The following AGTPBP1 variants were observed in gnomAD, a reference collection of about 807,000 sequenced individuals.
The protein encoded by AGTPBP1 is ATP/GTP binding carboxypeptidase 1.
AGTPBP1 carries 70 observed loss-of-function variants against 143.9 expected under a neutral mutation model. The observed-to-expected ratio is 0.49, with a 90% CI of 0.40 to 0.59. The LOEUF (loss-of-function observed/expected upper bound fraction) is 0.59. AGTPBP1 is among the 20% of genes least tolerant of loss of function. The pLI, the probability that AGTPBP1 is intolerant of heterozygous loss-of-function variation, is 0.00. For missense variants in AGTPBP1, 1,229 were observed against 1,464.5 expected (o/e 0.84, Z 2.62); for synonymous variants, 463 against 500.2 (o/e 0.93, Z 0.99).
At chr9:85,786,314 G>T in the AGTPBP1 span, 7 of 1,609,090 alleles carry the variant, frequency 4.4e-6, no homozygotes, top group Non-Finnish European at 5.9e-6. Flanking sequence ...GCACCCCCCA[G>T]TGGGCATATG....
chr9:85,735,683 T>C (rs1839197199), intron 1 of AGTPBP1, among the ~76,000 whole-genome samples: 1 of 152,192 alleles, frequency 6.6e-6, no homozygotes, highest in Non-Finnish European at 1.5e-5. Context: ...AGGTGAGAGA[T>C]TAGTTTTCAC....
rs373978703 is a variant in AGTPBP1 at position 85,619,145 on chromosome 9, A to T, written c.2187-14T>A. ...TCATATTCATTTCTGAAAATAGAAG[A>T]CAAAGAAATCTGATGAAAATTAGGA... On this transcript the variant is annotated splice_polypyrimidine_tract_variant and intron_variant, in intron 16 of 25. Transcript: ENST00000357081. 16 of 1,611,448 alleles carry T rather than the reference A, an allele frequency of 9.9e-6. No individual in the cohort carries two copies. The African/African-American group carries it at 2.1e-4, about 22-fold the overall frequency.
chr9:85,566,258 G>A lies in AGTPBP1; in HGVS notation c.3503+9057C>T, dbSNP rs548904250. Among the ~76,000 whole-genome samples, 85 of 152,274 alleles carry A rather than the reference G, an allele frequency of 5.6e-4. 1 individual carries two copies. The highest frequency in any genetic ancestry group is 6.8e-3 in the Middle Eastern group (2 of 294). ...ATTGAAGCCAGGCACAGTGGCTCAT[G>A]CCTGTAATCCCAGCAGTTTGGGAGG... is the stretch of plus-strand genomic sequence containing the variant. On this transcript the variant is annotated intron_variant, in intron 25 of 25. Transcript: ENST00000357081.
the AGTPBP1 span, chr9:85,756,060 T>G: frequency 1.4e-3 from 2,125 of 1,498,548 alleles, 3 homozygotes; most frequent in Non-Finnish European, 1.8e-3. Flanking sequence ...ATTTTTTTTT[T>G]AATTTTAATG....
intron 2 of AGTPBP1, among the ~76,000 whole-genome samples, chr9:85,708,695 G>A (rs772289773): frequency 5.3e-5 from 8 of 151,902 alleles, no homozygotes; most frequent in Non-Finnish European, 8.8e-5. Context: ...CCACCACCAC[G>A]CCCGTAGTTT....
At chr9:85,686,147 A>C (rs1835472057) in intron 3 of AGTPBP1, among the ~76,000 whole-genome samples, 1 of 152,120 alleles carries the variant, frequency 6.6e-6, no homozygotes, top group Non-Finnish European at 1.5e-5. Context: ...GCTCAAATTA[A>C]ACACTCAGAC....
At chr9:85,801,242 G>A in the AGTPBP1 span, among the ~76,000 whole-genome samples, 1 of 152,144 alleles carries the variant, frequency 6.6e-6, no homozygotes, top group East Asian at 1.9e-4. Flanking sequence ...AACCAGGGAG[G>A]CGGAAGTTGC....
At chr9:85,569,756 T>C (rs183678056) in intron 25 of AGTPBP1, among the ~76,000 whole-genome samples, 26 of 152,314 alleles carry the variant, frequency 1.7e-4, no homozygotes, top group Middle Eastern at 3.4e-3. Context: ...AGTACCACAT[T>C]AGCTGTTGCT....
At chr9:85,804,718 A>C in the AGTPBP1 span, among the ~76,000 whole-genome samples, 1 of 152,226 alleles carries the variant, frequency 6.6e-6, no homozygotes, top group East Asian at 1.9e-4. Context: ...CTGTAAAATT[A>C]GTCCACTACG....
chr9:85,676,354 C>CA (rs545458775), intron 6 of AGTPBP1, among the ~76,000 whole-genome samples: 100 of 147,310 alleles, frequency 6.8e-4, no homozygotes, highest in African/African-American at 1.8e-3. Flanking sequence ...AGCTCAACAG[C>CA]AAAAAAAAAG....
At chr9:85,563,105 C>T (rs772969058) in intron 25 of AGTPBP1, among the ~76,000 whole-genome samples, 1 of 152,230 alleles carries the variant, frequency 6.6e-6, no homozygotes, top group African/African-American at 2.4e-5. Flanking sequence ...AAATAGATTT[C>T]TCCTGTTTAT....
At chr9:85,642,563 A>T (rs1350184034) in intron 13 of AGTPBP1, among the ~76,000 whole-genome samples, 1 of 151,244 alleles carries the variant, frequency 6.6e-6, no homozygotes, top group Non-Finnish European at 1.5e-5. Context: ...TGATCTCCTG[A>T]CCTCGTGATC....
intron 2 of AGTPBP1, among the ~76,000 whole-genome samples, chr9:85,703,404 A>T (rs755334542): frequency 2.0e-5 from 3 of 152,232 alleles, no homozygotes; most frequent in Non-Finnish European, 4.4e-5. Flanking sequence ...GTGGTCTTAG[A>T]AACAGATGAT....
At chr9:85,721,382 C>T (rs1838102380) in intron 1 of AGTPBP1, among the ~76,000 whole-genome samples, 1 of 151,950 alleles carries the variant, frequency 6.6e-6, no homozygotes, top group Admixed American at 6.6e-5. Context: ...ATAGTTAGCT[C>T]TTCTTGTTGA....
chr9:85,733,370 T>A (rs1176671507), intron 1 of AGTPBP1, among the ~76,000 whole-genome samples: 1 of 152,194 alleles, frequency 6.6e-6, no homozygotes. Flanking sequence ...AACAACGTAC[T>A]CTTAACCAAT....
At chr9:85,550,867 C>A (rs1163097858) in intron 25 of AGTPBP1, among the ~76,000 whole-genome samples, 3 of 152,158 alleles carry the variant, frequency 2.0e-5, no homozygotes, top group East Asian at 1.9e-4. Context: ...AGCACTGTTT[C>A]CTCTGCATAA....
At chr9:85,619,943 G>A (rs1484248066) in intron 15 of AGTPBP1, among the ~76,000 whole-genome samples, 2 of 152,074 alleles carry the variant, frequency 1.3e-5, no homozygotes, top group East Asian at 3.9e-4. Flanking sequence ...CAGGGTTCCT[G>A]AGTTTCTGTT....
chr9:85,687,037 GA>G (rs1222599997), intron 3 of AGTPBP1, among the ~76,000 whole-genome samples: 5 of 152,072 alleles, frequency 3.3e-5, no homozygotes, highest in African/African-American at 1.2e-4. Flanking sequence ...TAAAAGGAAT[GA>G]AAAAAGGTAC....
At chr9:85,555,680 G>A (rs533524516) in intron 25 of AGTPBP1, among the ~76,000 whole-genome samples, 2 of 152,302 alleles carry the variant, frequency 1.3e-5, no homozygotes, top group African/African-American at 2.4e-5. Context: ...AAGTGCCAGC[G>A]AGGGGGGCGA....
Sources: gnomAD v4.1 joint callset for allele counts (sites outside exome capture counted in the v4.1 genomes callset) on GRCh38, gnomAD v4.1.1 for gene constraint, MANE v1.5 for transcripts, NCBI Gene and HGNC (gene_info 2026-07-23, HGNC 2026-07-21) for gene names.